Variants in TEKTL1 observed in about 807,000 individuals in gnomAD.
TEKTL1 encodes the protein tektin like 1, also known as tektin-like protein 1.
chr19:15,011,032 GC>G, the TEKTL1 span: 3 of 1,580,234 alleles, frequency 1.9e-6, no homozygotes, highest in Non-Finnish European at 2.6e-6. Flanking sequence ...CCTACATCCA[GC>G]CCTGGCGCTT....
the TEKTL1 span, chr19:15,022,059 C>A: frequency 7.1e-6 from 5 of 699,504 alleles, no homozygotes; most frequent in Non-Finnish European, 9.5e-6. Context: ...AGTGGGGAGG[C>A]GGGGGCTTCA....
At chr19:15,023,016 G>C in the TEKTL1 span, 12 of 1,612,748 alleles carry the variant, frequency 7.4e-6, no homozygotes, top group Non-Finnish European at 1.0e-5. Context: ...CTGCGCCTGC[G>C]CCAGCGGCAA....
At chr19:15,020,500 A>G in the TEKTL1 span, 3 of 1,613,600 alleles carry the variant, frequency 1.9e-6, no homozygotes, top group Non-Finnish European at 8.5e-7. Context: ...CTTCTGCTTC[A>G]AGGAGCGGCT....
chr19:15,016,249 G>C, the TEKTL1 span, among the ~76,000 whole-genome samples: 1 of 148,322 alleles, frequency 6.7e-6, no homozygotes, highest in Non-Finnish European at 1.5e-5. Context: ...CAGTGGCGTG[G>C]CGTGATCGCA....
chr19:15,021,443 G>A, the TEKTL1 span: 2 of 1,614,228 alleles, frequency 1.2e-6, no homozygotes, highest in Non-Finnish European at 1.7e-6. Context: ...GTGGACGTCC[G>A]GGAGCAACAG....
chr19:15,013,781 G>C, the TEKTL1 span: 1 of 1,601,580 alleles, frequency 6.2e-7, no homozygotes, highest in Non-Finnish European at 8.5e-7. Context: ...CTCAAGGTTA[G>C]GGGTGCCTGT....
the TEKTL1 span, among the ~76,000 whole-genome samples, chr19:15,012,374 G>T: frequency 1.3e-5 from 2 of 151,992 alleles, no homozygotes; most frequent in African/African-American, 4.8e-5. Context: ...GGCCAGCCTG[G>T]ACAACACAGC....
chr19:15,016,629 C>T, the TEKTL1 span, among the ~76,000 whole-genome samples: 10 of 152,150 alleles, frequency 6.6e-5, no homozygotes, highest in Admixed American at 2.0e-4. Context: ...CCCAAAGATA[C>T]CATATTCAGA....
the TEKTL1 span, among the ~76,000 whole-genome samples, chr19:15,014,086 G>C: frequency 6.6e-6 from 1 of 152,170 alleles, no homozygotes; most frequent in Non-Finnish European, 1.5e-5. Flanking sequence ...GAGACCCAGA[G>C]AGAGACCTCA....
the TEKTL1 span, among the ~76,000 whole-genome samples, chr19:15,013,121 G>C: frequency 0.11 from 17,202 of 152,052 alleles, 1,263 homozygotes; most frequent in East Asian, 0.2. Context: ...CAGTCCTGGT[G>C]AAATCTTCCC....
the TEKTL1 span, among the ~76,000 whole-genome samples, chr19:15,011,609 C>G: frequency 2.0e-5 from 3 of 152,040 alleles, no homozygotes; most frequent in African/African-American, 7.2e-5. Context: ...TGGCGCATGC[C>G]TGTAATCTCA....
chr19:15,015,781 C>T, the TEKTL1 span, among the ~76,000 whole-genome samples: 128 of 152,174 alleles, frequency 8.4e-4, no homozygotes, highest in South Asian at 4.2e-3. Context: ...GATGGTTGTA[C>T]GAATACACTT....
chr19:15,012,528 C>T, the TEKTL1 span, among the ~76,000 whole-genome samples: 1 of 151,700 alleles, frequency 6.6e-6, no homozygotes, highest in African/African-American at 2.4e-5. Context: ...GGCCACTACA[C>T]TTCAGCCTAG....
At chr19:15,021,502 G>C in the TEKTL1 span, 3 of 1,614,140 alleles carry the variant, frequency 1.9e-6, no homozygotes, top group Non-Finnish European at 2.5e-6. Context: ...GAAGGCGAGC[G>C]AGACCTTGGA....
the TEKTL1 span, among the ~76,000 whole-genome samples, chr19:15,018,732 A>ATATATATATATATATAT: frequency 6.2e-4 from 49 of 78,498 alleles, no homozygotes; most frequent in Non-Finnish European, 9.9e-4. Flanking sequence ...ATATATATAT[A>ATATATATATATATATAT]ACTTCCCTGG....
At chr19:15,014,742 G>GGGA in the TEKTL1 span, among the ~76,000 whole-genome samples, 31 of 125,666 alleles carry the variant, frequency 2.5e-4, no homozygotes, top group African/African-American at 9.1e-4. Context: ...GGGGGGCGGG[G>GGGA]GCTGCTGAAA....
the TEKTL1 span, among the ~76,000 whole-genome samples, chr19:15,018,971 C>A: frequency 1.3e-5 from 2 of 151,750 alleles, no homozygotes; most frequent in South Asian, 4.2e-4. Context: ...TGTTTTGAGA[C>A]AGGATCTCAC....
chr19:15,021,908 C>T, the TEKTL1 span: 239 of 1,613,454 alleles, frequency 1.5e-4, 2 homozygotes, highest in South Asian at 2.1e-3. Flanking sequence ...GGAGGCTGCG[C>T]GCCTCGCACA....
At chr19:15,011,949 T>C in the TEKTL1 span, among the ~76,000 whole-genome samples, 2 of 151,894 alleles carry the variant, frequency 1.3e-5, no homozygotes, top group African/African-American at 4.8e-5. Context: ...TGAGAACCTG[T>C]CTCTACCAAA....
Sources: allele counts gnomAD v4.1 joint callset (sites outside exome capture counted in the v4.1 genomes callset), GRCh38; gene constraint gnomAD v4.1.1; transcripts MANE v1.5; gene names NCBI Gene and HGNC (gene_info 2026-07-23, HGNC 2026-07-21).